KRT5: variants seen among roughly 807,000 people sequenced by gnomAD.
The protein encoded by KRT5 is keratin, type II cytoskeletal 5.
A neutral mutation model predicts 44.0 loss-of-function variants in KRT5; 17 were observed. The ratio of observed to expected loss-of-function variants is 0.39; its 90% CI spans 0.26 to 0.58. The LOEUF (loss-of-function observed/expected upper bound fraction) is 0.58, where lower values mean the gene tolerates loss of function less well. KRT5 is among the 20% of genes least tolerant of loss of function. The pLI is 0.61. For synonymous variants in KRT5, 329 were observed against 312.8 expected (o/e 1.05, Z -0.55); for missense variants, 737 against 785.5 (o/e 0.94, Z 0.74).
rs201264698 is a variant in KRT5, at chr12:52,520,173, C to T, written c.124G>A (p.Gly42Ser). 172 of 1,613,928 alleles carry T rather than the reference C, an allele frequency of 1.1e-4. No homozygotes were observed. Among genetic ancestry groups the T allele is most frequent in the Admixed American group, 1.5e-4 (9 of 60,026 alleles). Residue 42 changes from glycine (G) to serine (S), a missense_variant, in exon 1 of 9, where the codon GGT becomes AGT. Gly to Ser is a moderately conservative substitution (Grantham distance 56). Transcript: ENST00000252242. ...CTGACCCTGCCGAAGCCACCACCAC[C>T]GCCACCCCCGGACCGGGACACGGAG... ...FTSVSRSGGGGGGGFGRVSLA... is the reference protein window; with the variant it reads ...FTSVSRSGGGSGGGFGRVSLA...
intron 1 of KRT5, chr12:52,519,503 C>A (rs909434227): frequency 1.1e-5 from 7 of 633,500 alleles, no homozygotes; most frequent in African/African-American, 3.6e-5. Context: ...TCTCTCTGTC[C>A]AACAGTTGTT....
In KRT5 at chr12:52,515,110, G is replaced by T. The variant is rs186608084; in HGVS notation, c.1605C>A (p.Ser535Arg). ...CACCTAGGCCGACACCCCCACTGCT[G>T]CTGGAGTAGTAGCTTCCACTGCTAC... is the stretch of plus-strand genomic sequence containing the variant. ...AGGSSGSYYS[S>R]SSGGVGLGGG... is the part of the protein sequence containing the mutation. The change falls in exon 9 of 9, where the codon AGC becomes AGA. Residue 535 changes from serine (S) to arginine (R), a missense_variant. By Grantham distance (110) the Ser-to-Arg change is moderately radical. Transcript: ENST00000252242. The T allele has an allele frequency of 2.7e-5, 43 of 1,611,258 alleles. No individual in the cohort carries two copies. The highest frequency in any genetic ancestry group is 7.6e-6 in the Non-Finnish European group (9 of 1,179,014).
chr12:52,516,398 GC>G (rs1938609980), intron 7 of KRT5: 2 of 553,304 alleles, frequency 3.6e-6, no homozygotes, highest in Non-Finnish European at 6.5e-6. Flanking sequence ...CAAGAAGATT[GC>G]TGAGTTGCTC....
At chr12:52,516,970 C>T in intron 6 of KRT5, 113 bp from the exon 7 acceptor site, 4 of 1,507,158 alleles carry the variant, frequency 2.7e-6, no homozygotes, top group East Asian at 4.5e-5. Flanking sequence ...ACCAGTACAT[C>T]GTGGGTGGCA....
At chr12:52,517,421 T>C (rs1383115260) in intron 5 of KRT5, among the ~76,000 whole-genome samples, 169 bp downstream of exon 5, 1 of 152,204 alleles carries the variant, frequency 6.6e-6, no homozygotes, top group Non-Finnish European at 1.5e-5. Context: ...AGTGAGATTA[T>C]TTCTCAGGTC....
chr12:52,518,229 G>A (rs1189316084), intron 2 of KRT5, 66 bp from the exon 3 acceptor site: 8 of 1,460,738 alleles, frequency 5.5e-6, no homozygotes, highest in Middle Eastern at 1.7e-4. Context: ...TCTTTATTAT[G>A]CAGTCAACTG....
chr12:52,514,592 T>G lies in KRT5; in HGVS notation c.*350A>C. 1 of 304,014 alleles carries G rather than the reference T, an allele frequency of 3.3e-6. No individual in the cohort carries two copies. The highest frequency in any genetic ancestry group is 6.1e-6 in the Non-Finnish European group (1 of 163,908). The allele number at this position is 304,014 out of a possible 1,614,324, so 18.8% of individuals were successfully genotyped here. A position where few individuals can be genotyped will look rare whatever the true frequency, so the allele number is the denominator to read the frequency against. ...ACACCAGCTTATATTATAAAAGCATTTTATTGAACACATTCTGGAGGTAGT... is the reference window on the plus strand; with the variant it reads ...ACACCAGCTTATATTATAAAAGCATGTTATTGAACACATTCTGGAGGTAGT... On this transcript the variant is annotated 3_prime_UTR_variant, in exon 9 of 9. Coordinates refer to ENST00000252242, the MANE Select transcript of KRT5 (RefSeq NM_000424.4).
At position 52,518,088 on chromosome 12, in the gene KRT5, C is replaced by T; in HGVS notation, c.831+15G>A. The T allele has an allele frequency of 6.2e-7, 1 of 1,614,084 alleles. No homozygotes were observed. Among genetic ancestry groups the T allele is most frequent in the Non-Finnish European group, 8.5e-7 (1 of 1,179,898 alleles). ...CATAGCTGCAGGCTGCTGGTTCTCTCCCACCCACACGCACCTTCTTCAGCA... is the reference window on the plus strand; with the variant it reads ...CATAGCTGCAGGCTGCTGGTTCTCTTCCACCCACACGCACCTTCTTCAGCA... On this transcript the variant is annotated intron_variant, in intron 3 of 8. Coordinates refer to ENST00000252242, the MANE Select transcript of KRT5 (RefSeq NM_000424.4).
At position 52,515,782 on chromosome 12, in the gene KRT5, GTT is replaced by G. The variant is rs1565592381; in HGVS notation, c.1474+14_1474+15del. On this transcript the variant is annotated intron_variant, in intron 8 of 8. Transcript: ENST00000252242. ...CATATTATTGTCGTTGTTAATGTCT[GTT>G]CAAAGCTACTTACAGATGTTGACTG... The G allele has an allele frequency of 6.2e-7, 1 of 1,604,260 alleles. No homozygotes were observed. The highest frequency in any genetic ancestry group is 1.7e-5 in the Admixed American group (1 of 60,012).
chr12:52,518,338 A>C, intron 2 of KRT5, 175 bp from the exon 3 acceptor site: 1 of 705,458 alleles, frequency 1.4e-6, no homozygotes, highest in Non-Finnish European at 2.6e-6. Flanking sequence ...TCCCCATTTA[A>C]ATACTGCTTT....
At position 52,517,165 on chromosome 12, in the gene KRT5, G is replaced by A; in HGVS notation, c.1160C>T (p.Ser387Phe). Residue 387 changes from serine (S) to phenylalanine (F), a missense_variant, in exon 6 of 9, where the codon TCT becomes TTT. By Grantham distance (155) the Ser-to-Phe change is radical (BLOSUM62 -2). Around this residue, in one of 5 missense-constraint regions of KRT5, gnomAD observed 344 missense variants for 351.6 expected, o/e 0.98. Coordinates refer to ENST00000252242, the MANE Select transcript of KRT5 (RefSeq NM_000424.4). ...CCTCTGGATCATCCGGTTCATCTCA[G>A]AGATCTCATGCTTGGTGTTGCGGAG... ...DDLRNTKHEI[S>F]EMNRMIQRLR... 6.2e-7 allele frequency: 1 copy of A among 1,614,112 alleles called. No homozygotes were observed.
chr12:52,519,229 G>C (rs888047497), intron 1 of KRT5, 69 bp from the exon 2 acceptor site: 1 of 1,595,454 alleles, frequency 6.3e-7, no homozygotes, highest in African/African-American at 1.3e-5. Flanking sequence ...TCACTAAGGT[G>C]CCTCCCACCT....
rs1938682843 is a variant in KRT5, at chr12:52,519,875, T to C, written c.422A>G (p.Gln141Arg). Reference sequence around the variant, plus strand: ...GAGACTCTGGTTGACAGTGACCTCTTGGATACCTCCAGGAGGGCAGACAGG... The same window carrying C: ...GAGACTCTGGTTGACAGTGACCTCTCGGATACCTCCAGGAGGGCAGACAGG... ...GFPVCPPGGI[Q>R]EVTVNQSLLT... is the part of the protein sequence containing the mutation. Residue 141 changes from glutamine (Q) to arginine (R), a missense_variant, in exon 1 of 9, where the codon CAA becomes CGA. By Grantham distance (43) the Gln-to-Arg change is conservative (BLOSUM62 1). Coordinates refer to ENST00000252242, the MANE Select transcript of KRT5 (RefSeq NM_000424.4). 3 of 1,613,872 alleles carry C rather than the reference T, an allele frequency of 1.9e-6. No individual in the cohort carries two copies. The Middle Eastern group carries it at 4.9e-4, about 266-fold the overall frequency.
At chr12:52,516,340 T>G in intron 7 of KRT5, 1 of 442,442 alleles carries the variant, frequency 2.3e-6, no homozygotes, top group Non-Finnish European at 4.2e-6. Flanking sequence ...GACATGGATA[T>G]TGAGGTTGAG....
chr12:52,520,183 G>A lies in KRT5; in HGVS notation c.114C>T (p.Ser38=), dbSNP rs766581787. The change falls in exon 1 of 9, where the codon TCC becomes TCT. Residue 38 remains serine, a synonymous_variant. Transcript: ENST00000252242. ...CGAAGCCACCACCACCGCCACCCCC[G>A]GACCGGGACACGGAGGTGAAGCTGG... ...SRTSFTSVSR[S]GGGGGGGFGR... 60 of 1,613,844 alleles carry A rather than the reference G, an allele frequency of 3.7e-5. No homozygotes were observed. The highest frequency in any genetic ancestry group is 2.8e-4 in the Admixed American group (17 of 60,012).
rs886049627 is a variant in KRT5 at position 52,520,377 on chromosome 12, G to A, written c.-81C>T. On this transcript the variant is annotated 5_prime_UTR_variant, in exon 1 of 9. Coordinates refer to ENST00000252242, the MANE Select transcript of KRT5 (RefSeq NM_000424.4). ...TGGAGAGAACAGAGCTCAGCAGGAC[G>A]CAGAAGGTGGCTCTGTTACCCAGGA... 1.9e-5 allele frequency: 25 copies of A among 1,331,822 alleles called. No individual in the cohort carries two copies. The highest frequency in any genetic ancestry group is 2.5e-4 in the Middle Eastern group (1 of 3,932). 82.5% of individuals were successfully genotyped at this position (1,331,822 alleles called of 1,614,324 possible).
rs1300949414 is a variant in KRT5, at chr12:52,514,948, C to G, written c.1767G>C (p.Lys589Asn). The G allele has an allele frequency of 6.2e-7, 1 of 1,613,622 alleles. No homozygotes were observed. The highest frequency in any genetic ancestry group is 8.5e-7 in the Non-Finnish European group (1 of 1,179,898). Residue 589 changes from lysine (K) to asparagine (N), a missense_variant, in exon 9 of 9, where the codon AAG (lysine) becomes AAC (asparagine). Transcript: ENST00000252242. ...AGTGACTTGCAGCAGGTTCTTAGCT[C>G]TTGAAGCTCTTCCGGGAGGAGGAGG... ...STTSSSRKSF[K>N]S
At chr12:52,518,028 G>T (rs373342539) in intron 3 of KRT5, 36 bp from the exon 4 acceptor site, 1 of 1,609,454 alleles carries the variant, frequency 6.2e-7, no homozygotes, top group South Asian at 1.1e-5. Context: ...TGCACACACC[G>T]TCACCCTACT....
chr12:52,519,911 C>A lies in KRT5; in HGVS notation c.386G>T (p.Gly129Val), dbSNP rs758678109. 39 of 1,613,842 alleles carry A rather than the reference C, an allele frequency of 2.4e-5. No individual in the cohort carries two copies. The highest frequency in any genetic ancestry group is 3.3e-5 in the Admixed American group (2 of 59,984). ...GGAGFGGGFGGPGFPVCPPGG... is the reference protein window; with the variant it reads ...GGAGFGGGFGVPGFPVCPPGG... ...AGGAGGGCAGACAGGAAAGCCAGGG[C>A]CACCGAAGCCACCTCCAAAGCCAGC... The change falls in exon 1 of 9, where the codon GGC becomes GTC. Residue 129 changes from glycine (G) to valine (V), a missense_variant. Transcript: ENST00000252242.
Sources: allele counts gnomAD v4.1 joint callset (sites outside exome capture counted in the v4.1 genomes callset), GRCh38; gene constraint gnomAD v4.1.1; regional missense constraint gnomAD v4.1.1; transcripts MANE v1.5; gene names NCBI Gene and HGNC (gene_info 2026-07-23, HGNC 2026-07-21).